The following MMP26 variants were observed in gnomAD, a reference collection of about 807,000 sequenced individuals.
MMP26 encodes matrix metalloproteinase-26.
In MMP26, 33 loss-of-function variants were observed where a neutral mutation model predicts 31.0. That is an observed-to-expected ratio of 1.06 (90% CI 0.81 to 1.42). MMP26 has a LOEUF of 1.42. Among genes scored for constraint, MMP26 ranks in the 40% most tolerant of loss-of-function variants. The pLI is 0.00. For missense variants in MMP26, 347 were observed against 316.1 expected, an observed-to-expected ratio of 1.10 and a Z score of -0.74; for synonymous variants, 122 against 114.9, an observed-to-expected ratio of 1.06 and a Z score of -0.40.
intron 2 of MMP26, among the ~76,000 whole-genome samples, chr11:4,810,589 G>A (rs1564915359): frequency 6.6e-6 from 1 of 152,196 alleles, no homozygotes; most frequent in Non-Finnish European, 1.5e-5. Context: ...TACAAGGAGT[G>A]TGGGGTTAAT....
At chr11:4,866,745 A>C (rs1850240281) in intron 2 of MMP26, among the ~76,000 whole-genome samples, 1 of 152,170 alleles carries the variant, frequency 6.6e-6, no homozygotes, top group Admixed American at 6.5e-5. Flanking sequence ...AATATAGACC[A>C]ATGGGAAAGA....
intron 1 of MMP26, among the ~76,000 whole-genome samples, chr11:4,751,576 G>A (rs1410665110): frequency 6.6e-6 from 1 of 151,938 alleles, no homozygotes; most frequent in Non-Finnish European, 1.5e-5. Context: ...GTAGAGTATG[G>A]GAAAAGAGAA....
At chr11:4,852,821 T>C (rs1056923353) in intron 2 of MMP26, among the ~76,000 whole-genome samples, 1 of 152,152 alleles carries the variant, frequency 6.6e-6, no homozygotes, top group East Asian at 1.9e-4. Flanking sequence ...CAAGTGTTCA[T>C]TGATGTACGA....
At chr11:4,857,365 T>C (rs1476686145) in intron 2 of MMP26, among the ~76,000 whole-genome samples, 3 of 151,590 alleles carry the variant, frequency 2.0e-5, no homozygotes, top group Non-Finnish European at 4.4e-5. Context: ...AAGAATCAAA[T>C]AGACACAATA....
chr11:4,918,515 G>GAGAT (rs1181596744), intron 2 of MMP26, among the ~76,000 whole-genome samples: 1 of 152,110 alleles, frequency 6.6e-6, no homozygotes, highest in Non-Finnish European at 1.5e-5. Flanking sequence ...ATGATGCCAG[G>GAGAT]AGATATCTGC....
At chr11:4,753,075 A>G (rs1015351303) in intron 1 of MMP26, 1 of 152,138 alleles carries the variant, frequency 6.6e-6, no homozygotes, top group Non-Finnish European at 1.5e-5. Flanking sequence ...TATTGAGTAA[A>G]GTGCATAAAA....
intron 1 of MMP26, among the ~76,000 whole-genome samples, chr11:4,758,064 A>G (rs1431659094): frequency 6.6e-6 from 1 of 152,228 alleles, no homozygotes; most frequent in Non-Finnish European, 1.5e-5. Flanking sequence ...AGTGTTCATA[A>G]CAACATTATT....
chr11:4,906,027 A>G (rs11034590), intron 2 of MMP26, among the ~76,000 whole-genome samples: 36,107 of 152,064 alleles, frequency 0.24, 4,700 homozygotes, highest in East Asian at 0.56. Context: ...ACAGAGATAT[A>G]AGATTAAATA....
chr11:4,767,528 C>G (rs1267749777), intron 2 of MMP26, among the ~76,000 whole-genome samples, 187 bp downstream of exon 2: 1 of 152,036 alleles, frequency 6.6e-6, no homozygotes, highest in Non-Finnish European at 1.5e-5. Context: ...CCTACAGTCA[C>G]TGTGTGCTGA....
At chr11:4,848,980 A>G (rs745518684) in intron 2 of MMP26, 34 of 1,614,056 alleles carry the variant, frequency 2.1e-5, no homozygotes, top group East Asian at 1.6e-4. Flanking sequence ...CCAATATCAG[A>G]CACACTAAGC....
At position 4,858,692 on chromosome 11, in the gene MMP26, T is replaced by G. The variant is rs540752950; in HGVS notation, c.-145+91351T>G. Among the ~76,000 whole-genome samples, 7 of 152,314 alleles carry G rather than the reference T, an allele frequency of 4.6e-5. No homozygotes were observed. In the South Asian group the frequency reaches 1.5e-3, roughly 32 times the overall value. ...AATGCCATCCCCATCAAGCTACCAA[T>G]GGCTTTCTTCACAAAATTGGAAAAA... On this transcript the variant is annotated intron_variant, in intron 2 of 7. Transcript: ENST00000380390.
At chr11:4,746,925 C>A (rs73393009) in intron 1 of MMP26, among the ~76,000 whole-genome samples, 6,693 of 151,676 alleles carry the variant, frequency 0.044, 470 homozygotes, top group African/African-American at 0.16. Context: ...CTTAAGGCCA[C>A]AAAACTTTGA....
Position 4,953,126 on chromosome 11 carries a change from A to G in MMP26, c.-144-34942A>G, listed in dbSNP as rs1358593981. Among the ~76,000 whole-genome samples the G allele has an allele frequency of 1.6e-5, 2 of 125,838 alleles. 1 individual carries two copies. The highest frequency in any genetic ancestry group is 3.6e-5 in the Non-Finnish European group (2 of 55,564). 82.6% of individuals were successfully genotyped at this position (125,838 alleles called of 152,430 possible). A position where few individuals can be genotyped will look rare whatever the true frequency, so the allele number is the denominator to read the frequency against. On this transcript the variant is annotated intron_variant, in intron 2 of 7. Coordinates refer to ENST00000380390, the MANE Select transcript of MMP26 (RefSeq NM_021801.5). ...AAAGCAATAAATTTCTCTTTGTACC[A>G]TATCTTTTTTCCTGTTTTAAAAATC...
intron 2 of MMP26, among the ~76,000 whole-genome samples, chr11:4,942,056 C>T (rs1365445984): frequency 1.8e-5 from 2 of 112,968 alleles, no homozygotes; most frequent in Admixed American, 1.1e-4. Flanking sequence ...CTGTGCTCTG[C>T]TCCAGCCTGG....
chr11:4,755,988 C>T (rs561695112), intron 1 of MMP26, among the ~76,000 whole-genome samples: 49 of 152,056 alleles, frequency 3.2e-4, no homozygotes, highest in Non-Finnish European at 6.5e-4. Flanking sequence ...TTGCCTATCA[C>T]ATCACAATGA....
chr11:4,716,620 A>G (rs890559800), intron 1 of MMP26, among the ~76,000 whole-genome samples: 1 of 147,004 alleles, frequency 6.8e-6, no homozygotes, highest in African/African-American at 2.5e-5. Context: ...GAAGCAAAGA[A>G]GATAATTCCA....
chr11:4,942,089 C>CAAAAAAAAAAAAAAAAAA (rs201626472), intron 2 of MMP26, among the ~76,000 whole-genome samples: 642 of 37,034 alleles, frequency 0.017, 80 homozygotes, highest in South Asian at 0.024. Context: ...GAGTCCATCT[C>CAAAAAAAAAAAAAAAAAA]AAAAAAAAAA....
chr11:4,819,596 T>TTTTTTG (rs1849467113), intron 2 of MMP26, among the ~76,000 whole-genome samples: 1 of 76,086 alleles, frequency 1.3e-5, no homozygotes, highest in Non-Finnish European at 2.9e-5. Context: ...TTTTTTTTTT[T>TTTTTTG]GAGACAGTGT....
At chr11:4,719,998 C>T (rs11033517) in intron 1 of MMP26, among the ~76,000 whole-genome samples, 19,185 of 152,172 alleles carry the variant, frequency 0.13, 1,601 homozygotes, top group Middle Eastern at 0.21. Context: ...ATCTTATAAA[C>T]GAAATTTACC....
Sources: gnomAD v4.1 joint callset for allele counts (sites outside exome capture counted in the v4.1 genomes callset) on GRCh38, gnomAD v4.1.1 for gene constraint, MANE v1.5 for transcripts, NCBI Gene and HGNC (gene_info 2026-07-23, HGNC 2026-07-21) for gene names.